The following ARHGAP5 variants were observed in gnomAD, a reference collection of about 807,000 sequenced individuals.
ARHGAP5 encodes Rho GTPase activating protein 5.
A neutral mutation model predicts 116.6 loss-of-function variants in ARHGAP5; 23 were observed. The ratio of observed to expected loss-of-function variants is 0.20; its 90% confidence interval spans 0.14 to 0.28. ARHGAP5 has a LOEUF of 0.28. Among genes scored for constraint, ARHGAP5 ranks in the 10% least tolerant of loss-of-function variants. The pLI is 1.00. For missense variants in ARHGAP5, 1,405 were observed against 1,774.8 expected, an observed-to-expected ratio of 0.79 and a Z score of 3.74; for synonymous variants, 574 against 602.0, an observed-to-expected ratio of 0.95 and a Z score of 0.68.
chr14:32,115,050 A>G (rs1027237460), intron 2 of ARHGAP5, among the ~76,000 whole-genome samples: 1 of 152,220 alleles, frequency 6.6e-6, no homozygotes, highest in Non-Finnish European at 1.5e-5. Context: ...GCTGTCAATA[A>G]AAGTGGCCTA....
chr14:32,152,423 A>G lies in ARHGAP5; in HGVS notation c.4076A>G (p.Lys1359Arg). 6.3e-7 allele frequency: 1 copy of G among 1,585,230 alleles called. No homozygotes were observed. The highest frequency in any genetic ancestry group is 8.6e-7 in the Non-Finnish European group (1 of 1,166,128). The change falls in exon 6 of 7, where the codon AAA becomes AGA. Residue 1359 changes from lysine to arginine, a missense_variant and splice_region_variant. Coordinates refer to ENST00000345122, the MANE Select transcript of ARHGAP5 (RefSeq NM_001030055.2). ...ATTCTTCACTGTTTTAATTTTACAGAAATCCCGGATAAAACAGAACGTCTT... is the reference window on the plus strand; with the variant it reads ...ATTCTTCACTGTTTTAATTTTACAGGAATCCCGGATAAAACAGAACGTCTT... ...SLHPELLEAA[K>R]IPDKTERLHA...
At chr14:32,082,803 GT>G (rs1360930487) in intron 1 of ARHGAP5, among the ~76,000 whole-genome samples, 10 of 152,212 alleles carry the variant, frequency 6.6e-5, no homozygotes, top group Non-Finnish European at 1.2e-4. Flanking sequence ...GCCTCTCAAA[GT>G]GTTGAGATTA....
chr14:32,153,172 A>C (rs1216310110), intron 6 of ARHGAP5, among the ~76,000 whole-genome samples: 1 of 150,766 alleles, frequency 6.6e-6, no homozygotes, highest in African/African-American at 2.4e-5. Context: ...TGTGGTATAA[A>C]ATTGTATTAA....
rs536226994 is a variant in ARHGAP5 at position 32,121,111 on chromosome 14, C to G, written c.3865+3824C>G. Reference sequence around the variant, plus strand: ...CAGCTAGTTGCAACCTCCACCTCCCCGGCTCAGGCAATCCTCCCACCTCAG... The same window carrying G: ...CAGCTAGTTGCAACCTCCACCTCCCGGGCTCAGGCAATCCTCCCACCTCAG... On this transcript the variant is annotated intron_variant, in intron 3 of 6. Transcript: ENST00000345122. 1.5e-4 allele frequency among the ~76,000 whole-genome samples: 22 copies of G among 150,946 alleles called. No individual in the cohort carries two copies. In the East Asian group the frequency reaches 4.3e-3, roughly 29 times the overall value.
chr14:32,099,350 G>A (rs1878686569), intron 2 of ARHGAP5, among the ~76,000 whole-genome samples: 1 of 152,202 alleles, frequency 6.6e-6, no homozygotes. Context: ...ATAGGAGACA[G>A]TGAACTAGAA....
At chr14:32,110,860 A>G (rs923641278) in intron 2 of ARHGAP5, among the ~76,000 whole-genome samples, 1 of 152,232 alleles carries the variant, frequency 6.6e-6, no homozygotes, top group South Asian at 2.1e-4. Flanking sequence ...AAAAGGAGAT[A>G]GAGGATGACT....
At position 32,093,080 on chromosome 14, in the gene ARHGAP5, C is replaced by G; in HGVS notation, c.2411C>G (p.Ser804Cys). ...LILSPFLDSH[S>C]CSAAQAGQNN... The stretch of plus-strand genomic sequence containing the variant: ...CTTTCACCCTTCCTTGATTCTCATT[C>G]TTGCAGTGCTGCTCAAGCTGGACAG... Residue 804 changes from serine to cysteine, a missense_variant, in exon 2 of 7, where the codon TCT becomes TGT. Physicochemically the swap from Ser to Cys is moderately radical, Grantham distance 112. This residue lies in a region of ARHGAP5 where 944 missense variants were observed against 1,095.3 expected (regional missense o/e 0.86). Coordinates refer to ENST00000345122, the MANE Select transcript of ARHGAP5 (RefSeq NM_001030055.2). 1 of 1,613,984 alleles carries G rather than the reference C, an allele frequency of 6.2e-7. No homozygotes were observed. The highest frequency in any genetic ancestry group is 8.5e-7 in the Non-Finnish European group (1 of 1,179,930).
At chr14:32,143,074 G>A (rs1881198670) in intron 3 of ARHGAP5, among the ~76,000 whole-genome samples, 1 of 152,086 alleles carries the variant, frequency 6.6e-6, no homozygotes, top group Non-Finnish European at 1.5e-5. Context: ...TTATCTGTTA[G>A]CAACTCAAAT....
At chr14:32,105,578 G>C (rs547651204) in intron 2 of ARHGAP5, among the ~76,000 whole-genome samples, 5 of 151,970 alleles carry the variant, frequency 3.3e-5, no homozygotes, top group Non-Finnish European at 7.4e-5. Flanking sequence ...CAGCCAGGGT[G>C]TTGACATTAA....
intron 2 of ARHGAP5, 39 bp downstream of exon 2, chr14:32,094,425 CTTG>C: frequency 6.9e-7 from 1 of 1,438,860 alleles, no homozygotes; most frequent in South Asian, 1.4e-5. Context: ...TATAAAAATG[CTTG>C]TTGTTACTTT....
chr14:32,140,439 TAGCC>T (rs1566681890), intron 3 of ARHGAP5, among the ~76,000 whole-genome samples: 1 of 150,710 alleles, frequency 6.6e-6, no homozygotes, highest in African/African-American at 2.4e-5. Flanking sequence ...AAAAAAAAAT[TAGCC>T]AGGTGTGTTG....
chr14:32,083,786 G>A (rs188813221), intron 1 of ARHGAP5, among the ~76,000 whole-genome samples: 14 of 152,072 alleles, frequency 9.2e-5, no homozygotes, highest in African/African-American at 3.4e-4. Flanking sequence ...TTGTAATATT[G>A]CATATCAAAT....
intron 4 of ARHGAP5, among the ~76,000 whole-genome samples, chr14:32,146,682 C>T (rs1284909129): frequency 6.6e-6 from 1 of 151,980 alleles, no homozygotes; most frequent in African/African-American, 2.4e-5. Context: ...GAAAACGAGG[C>T]AGTTGAGTCA....
At chr14:32,104,385 A>G (rs191955086) in intron 2 of ARHGAP5, among the ~76,000 whole-genome samples, 1 of 152,334 alleles carries the variant, frequency 6.6e-6, no homozygotes, top group Admixed American at 6.5e-5. Flanking sequence ...AGTTTGCCTG[A>G]TAAGTATGTA....
chr14:32,141,344 A>G (rs1166157394), intron 3 of ARHGAP5, among the ~76,000 whole-genome samples: 2 of 152,184 alleles, frequency 1.3e-5, no homozygotes, highest in African/African-American at 4.8e-5. Flanking sequence ...CATATTTATA[A>G]TAGTCATGTT....
chr14:32,081,459 G>C (rs991538951), intron 1 of ARHGAP5, among the ~76,000 whole-genome samples: 2 of 148,878 alleles, frequency 1.3e-5, no homozygotes, highest in East Asian at 4.0e-4. Flanking sequence ...TGAGGCAGGA[G>C]AATGGCGTGA....
intron 4 of ARHGAP5, among the ~76,000 whole-genome samples, chr14:32,148,876 T>G (rs1447845580): frequency 6.6e-6 from 1 of 152,202 alleles, no homozygotes; most frequent in Non-Finnish European, 1.5e-5. Flanking sequence ...TGATACACCT[T>G]TAGTATGTTC....
At chr14:32,100,207 A>G (rs1322217169) in intron 2 of ARHGAP5, among the ~76,000 whole-genome samples, 1 of 152,182 alleles carries the variant, frequency 6.6e-6, no homozygotes, top group African/African-American at 2.4e-5. Flanking sequence ...ACAAAAATGG[A>G]TATTTATTTA....
chr14:32,130,358 C>T (rs1353405707), intron 3 of ARHGAP5, among the ~76,000 whole-genome samples: 1 of 149,034 alleles, frequency 6.7e-6, no homozygotes, highest in African/African-American at 2.5e-5. Context: ...ATTACAGGTG[C>T]CTGCTATCAC....
Sources: gnomAD v4.1 joint callset for allele counts (sites outside exome capture counted in the v4.1 genomes callset) on GRCh38, gnomAD v4.1.1 for gene constraint, gnomAD v4.1.1 regional missense constraint, MANE v1.5 for transcripts, NCBI Gene and HGNC (gene_info 2026-07-23, HGNC 2026-07-21) for gene names.